Variants in FARS2 observed in about 807,000 individuals in gnomAD.
The protein encoded by FARS2 is phenylalanine--tRNA ligase, mitochondrial.
FARS2 carries 40 observed loss-of-function variants against 46.4 expected under a neutral mutation model. The observed-to-expected ratio is 0.86, with a 90% CI of 0.67 to 1.12. The LOEUF (loss-of-function observed/expected upper bound fraction) is 1.12, where lower values mean the gene tolerates loss of function less well. FARS2 is among the 50% of genes most tolerant of loss of function. FARS2 has a pLI of 0.00. For missense variants in FARS2, 513 were observed against 567.9 expected, an observed-to-expected ratio of 0.90 and a Z score of 0.98; for synonymous variants, 234 against 214.9, an observed-to-expected ratio of 1.09 and a Z score of -0.78.
At chr6:5,381,053 T>C (rs1759737631) in intron 2 of FARS2, among the ~76,000 whole-genome samples, 1 of 151,198 alleles carries the variant, frequency 6.6e-6, no homozygotes, top group South Asian at 2.1e-4. Context: ...CAGGCTGGAG[T>C]GCAGTGGCGC....
chr6:5,373,092 G>A (rs1238224875), intron 2 of FARS2, among the ~76,000 whole-genome samples: 3 of 152,118 alleles, frequency 2.0e-5, no homozygotes, highest in Admixed American at 2.0e-4. Context: ...ACAATGAACA[G>A]CTAGAAGTTC....
intron 2 of FARS2, among the ~76,000 whole-genome samples, chr6:5,397,031 A>G (rs1760946548): frequency 6.6e-6 from 1 of 152,212 alleles, no homozygotes; most frequent in African/African-American, 2.4e-5. Context: ...CTTGGCGCAA[A>G]GTATAAAATA....
intron 5 of FARS2, among the ~76,000 whole-genome samples, chr6:5,583,935 A>G (rs1773471234): frequency 6.6e-6 from 1 of 152,082 alleles, no homozygotes. Flanking sequence ...TGAGAAAACT[A>G]TTGCTGTTTC....
At chr6:5,289,586 G>C (rs1767363147) in intron 1 of FARS2, among the ~76,000 whole-genome samples, 1 of 152,208 alleles carries the variant, frequency 6.6e-6, no homozygotes, top group Non-Finnish European at 1.5e-5. Context: ...AGAGGCTGAA[G>C]TGAAGTTACA....
At chr6:5,365,506 TA>T (rs759003031) in intron 1 of FARS2, among the ~76,000 whole-genome samples, 1 of 104,744 alleles carries the variant, frequency 9.5e-6, no homozygotes, top group African/African-American at 3.8e-5. Context: ...ATTTATTAAA[TA>T]AAATTTTTTT....
At chr6:5,728,537 G>A (rs1203999416) in intron 6 of FARS2, among the ~76,000 whole-genome samples, 1 of 152,140 alleles carries the variant, frequency 6.6e-6, no homozygotes, top group Non-Finnish European at 1.5e-5. Context: ...GCAAAGCTGA[G>A]AACACACTCA....
intron 3 of FARS2, among the ~76,000 whole-genome samples, chr6:5,419,047 A>G (rs928991210): frequency 1.3e-5 from 2 of 151,912 alleles, no homozygotes; most frequent in East Asian, 1.9e-4. Flanking sequence ...CTTCGCCTTC[A>G]TTATATTCTT....
chr6:5,422,443 T>C (rs927917517), intron 3 of FARS2, among the ~76,000 whole-genome samples: 1 of 152,164 alleles, frequency 6.6e-6, no homozygotes, highest in Non-Finnish European at 1.5e-5. Context: ...GACCGTGCCT[T>C]CTTGGTCTCA....
chr6:5,395,665 T>G (rs552199960), intron 2 of FARS2, among the ~76,000 whole-genome samples: 16 of 152,324 alleles, frequency 1.1e-4, no homozygotes, highest in Non-Finnish European at 2.4e-4. Flanking sequence ...GTTTCCATCT[T>G]TGGAAAAAAC....
intron 4 of FARS2, among the ~76,000 whole-genome samples, chr6:5,438,437 G>C (rs1174794527): frequency 6.6e-6 from 1 of 150,572 alleles, no homozygotes; most frequent in African/African-American, 2.4e-5. Flanking sequence ...CCATCTTCAT[G>C]TTAATTGATT....
intron 6 of FARS2, among the ~76,000 whole-genome samples, chr6:5,745,280 T>C (rs963052110): frequency 3.9e-5 from 6 of 152,272 alleles, no homozygotes; most frequent in Admixed American, 2.0e-4. Flanking sequence ...ACATCTGTCA[T>C]GCCACCCATG....
At chr6:5,486,997 C>T (rs1766812152) in intron 4 of FARS2, among the ~76,000 whole-genome samples, 1 of 151,106 alleles carries the variant, frequency 6.6e-6, no homozygotes, top group South Asian at 2.1e-4. Flanking sequence ...CCTAGAAGGG[C>T]ACCGTCACTG....
intron 3 of FARS2, among the ~76,000 whole-genome samples, chr6:5,406,214 A>G (rs945317944): frequency 1.3e-5 from 2 of 152,184 alleles, no homozygotes; most frequent in African/African-American, 4.8e-5. Flanking sequence ...TGTAAAAGTC[A>G]GTGTTGTTGA....
rs931588063 is a variant in FARS2 at position 5,610,275 on chromosome 6, C to A, written c.1066-2894C>A. 14 of 422,796 alleles carry A rather than the reference C, an allele frequency of 3.3e-5. No individual in the cohort carries two copies. In the East Asian group the frequency reaches 3.5e-4, roughly 11 times the overall value. 26.2% of individuals were successfully genotyped at this position (422,796 alleles called of 1,614,324 possible). A position where few individuals can be genotyped will look rare whatever the true frequency, so the allele number is the denominator to read the frequency against. ...AGCAGAAAGTAGCAAGCTGACGAATCGTATCTGTAGTTTTGATGCCCTTTT... is the reference window on the plus strand; with the variant it reads ...AGCAGAAAGTAGCAAGCTGACGAATAGTATCTGTAGTTTTGATGCCCTTTT... On this transcript the variant is annotated intron_variant, in intron 5 of 6. Coordinates refer to ENST00000274680, the MANE Select transcript of FARS2 (RefSeq NM_006567.5).
intron 6 of FARS2, among the ~76,000 whole-genome samples, chr6:5,720,694 A>C (rs1201001012): frequency 6.6e-6 from 1 of 152,160 alleles, no homozygotes; most frequent in Non-Finnish European, 1.5e-5. Flanking sequence ...GTTTTTGTTT[A>C]TTTGGGGTTA....
At chr6:5,283,209 C>A (rs1344701636) in intron 1 of FARS2, among the ~76,000 whole-genome samples, 1 of 152,006 alleles carries the variant, frequency 6.6e-6, no homozygotes, top group African/African-American at 2.4e-5. Flanking sequence ...CCCATCTCTA[C>A]TAAAAATACA....
At chr6:5,685,925 A>G (rs958009506) in intron 6 of FARS2, among the ~76,000 whole-genome samples, 1 of 152,218 alleles carries the variant, frequency 6.6e-6, no homozygotes, top group Admixed American at 6.5e-5. Context: ...TTTAGATTGA[A>G]TAACTTTAGA....
chr6:5,641,388 C>A (rs1314573513), intron 6 of FARS2, among the ~76,000 whole-genome samples: 3 of 152,186 alleles, frequency 2.0e-5, no homozygotes, highest in African/African-American at 7.2e-5. Flanking sequence ...CCTCCACCCC[C>A]TGGGTTCAAG....
chr6:5,511,559 A>G (rs1020553024), intron 4 of FARS2, among the ~76,000 whole-genome samples: 13 of 152,356 alleles, frequency 8.5e-5, no homozygotes, highest in African/African-American at 2.9e-4. Context: ...ACAAGCAGAC[A>G]AGAAACTTCA....
Sources: allele counts gnomAD v4.1 joint callset (sites outside exome capture counted in the v4.1 genomes callset), GRCh38; gene constraint gnomAD v4.1.1; transcripts MANE v1.5; gene names NCBI Gene and HGNC (gene_info 2026-07-23, HGNC 2026-07-21).